PCDHGA1: variants seen among roughly 807,000 people sequenced by gnomAD.
The protein encoded by PCDHGA1 is protocadherin gamma subfamily A, 1, also known as protocadherin gamma-A1.
In PCDHGA1, 32 loss-of-function variants were observed where a neutral mutation model predicts 58.0. The ratio of observed to expected loss-of-function variants is 0.55; its 90% CI spans 0.42 to 0.74. PCDHGA1 has a LOEUF of 0.74. Ranked by LOEUF, PCDHGA1 falls within the 30% of genes least tolerant of loss-of-function variation. The pLI, the probability that PCDHGA1 is intolerant of heterozygous loss-of-function variation, is 0.00. For missense variants in PCDHGA1, 1,205 were observed against 1,182.3 expected, an observed-to-expected ratio of 1.02 and a Z score of -0.28; for synonymous variants, 498 against 501.1, an observed-to-expected ratio of 0.99 and a Z score of 0.08.
In PCDHGA1 at chr5:141,370,422, C is replaced by A. The variant is rs780716652; in HGVS notation, c.2421+37317C>A. 1.9e-6 allele frequency: 3 copies of A among 1,581,408 alleles called. No homozygotes were observed. The South Asian group carries it at 3.5e-5, about 18-fold the overall frequency. ...GGGAAATAGCTCCGGATGGAGGGGC[C>A]CAGCAGGGCAGAGGCGAATGCTATT... On this transcript the variant is annotated intron_variant, in intron 1 of 3. Transcript: ENST00000517417.
chr5:141,397,248 T>C (rs2093496152), intron 1 of PCDHGA1, among the ~76,000 whole-genome samples: 1 of 152,168 alleles, frequency 6.6e-6, no homozygotes, highest in South Asian at 2.1e-4. Flanking sequence ...CGTAGTAGGG[T>C]ATATCATTTC....
intron 1 of PCDHGA1, chr5:141,440,945 A>T (rs1210278728): frequency 2.6e-5 from 4 of 152,234 alleles, no homozygotes; most frequent in African/African-American, 9.7e-5. Flanking sequence ...CCAGGACTAG[A>T]GTGTCAAGGC....
chr5:141,463,142 C>T (rs1229364880), intron 1 of PCDHGA1, among the ~76,000 whole-genome samples: 1 of 152,160 alleles, frequency 6.6e-6, no homozygotes, highest in Non-Finnish European at 1.5e-5. Context: ...CTTCGCCCAG[C>T]TGCAGAAAAG....
intron 1 of PCDHGA1, chr5:141,409,705 G>A (rs747252229): frequency 6.2e-6 from 10 of 1,613,134 alleles, no homozygotes; most frequent in Non-Finnish European, 7.6e-6. Flanking sequence ...CCCTGGCGGT[G>A]TCGTCATACG....
Position 141,409,742 on chromosome 5 carries a change from G to A in PCDHGA1, c.2421+76637G>A, listed in dbSNP as rs763304955. On this transcript the variant is annotated intron_variant, in intron 1 of 3. Coordinates refer to ENST00000517417, the MANE Select transcript of PCDHGA1 (RefSeq NM_018912.3). Reference sequence around the variant, plus strand: ...GTCAGTGAGCGCGCAGAGCGGGGTGGTGTTCGCGCAGCGCGCCTTTGATCA... The same window carrying A: ...GTCAGTGAGCGCGCAGAGCGGGGTGATGTTCGCGCAGCGCGCCTTTGATCA... 4.3e-6 allele frequency: 7 copies of A among 1,612,986 alleles called. No individual in the cohort carries two copies. In the South Asian group the frequency reaches 5.5e-5, roughly 13 times the overall value.
At chr5:141,383,526 C>T in intron 1 of PCDHGA1, 1 of 1,612,534 alleles carries the variant, frequency 6.2e-7, no homozygotes, top group Non-Finnish European at 8.5e-7. Flanking sequence ...GGGTTCACCA[C>T]CTGGTCCTCA....
At position 141,400,119 on chromosome 5, in the gene PCDHGA1, G is replaced by A. The variant is rs543287685; in HGVS notation, c.2421+67014G>A. ...TGCACTTGGTCTTTGCTGACAGCTTGCAGGAGGTGCTGCCGGATATCACTG... is the reference window on the plus strand; with the variant it reads ...TGCACTTGGTCTTTGCTGACAGCTTACAGGAGGTGCTGCCGGATATCACTG... On this transcript the variant is annotated intron_variant, in intron 1 of 3. Transcript: ENST00000517417. 3 of 1,614,076 alleles carry A rather than the reference G, an allele frequency of 1.9e-6. No individual in the cohort carries two copies. The Admixed American group carries it at 5.0e-5, about 27-fold the overall frequency.
At chr5:141,407,738 A>G (rs928743977) in intron 1 of PCDHGA1, among the ~76,000 whole-genome samples, 3 of 152,046 alleles carry the variant, frequency 2.0e-5, no homozygotes, top group Admixed American at 2.0e-4. Context: ...CACTATATAT[A>G]CTCCCTACTG....
At chr5:141,405,472 T>G in intron 1 of PCDHGA1, 1 of 1,056,196 alleles carries the variant, frequency 9.5e-7, no homozygotes, top group Non-Finnish European at 1.4e-6. Context: ...CAGGCTGGAA[T>G]GCAGTGGTGT....
chr5:141,357,847 AGC>A, intron 1 of PCDHGA1: 1 of 619,362 alleles, frequency 1.6e-6, no homozygotes, highest in Non-Finnish European at 2.7e-6. Flanking sequence ...TTGTAGTTTC[AGC>A]CAGAATTTTC....
intron 1 of PCDHGA1, among the ~76,000 whole-genome samples, chr5:141,482,811 C>T (rs1397161943): frequency 2.0e-5 from 3 of 152,164 alleles, no homozygotes; most frequent in Non-Finnish European, 4.4e-5. Context: ...GTGGCTCATG[C>T]CTGTAATCCT....
At chr5:141,351,402 A>G (rs1326706527) in intron 1 of PCDHGA1, 2 of 1,611,502 alleles carry the variant, frequency 1.2e-6, no homozygotes, top group Admixed American at 1.7e-5. Context: ...GTGACATGCT[A>G]TACTCAGGAA....
intron 1 of PCDHGA1, chr5:141,398,904 C>T: frequency 6.2e-7 from 1 of 1,613,930 alleles, no homozygotes; most frequent in Non-Finnish European, 8.5e-7. Context: ...CACCAGGCAC[C>T]ACTGTGTTGC....
intron 1 of PCDHGA1, chr5:141,357,123 G>A: frequency 1.2e-6 from 2 of 1,613,670 alleles, no homozygotes; most frequent in Non-Finnish European, 1.7e-6. Flanking sequence ...TCAAGCAGAG[G>A]CTTGTAGTGG....
intron 1 of PCDHGA1, chr5:141,366,527 G>T (rs374836826): frequency 2.5e-6 from 4 of 1,614,142 alleles, no homozygotes; most frequent in Non-Finnish European, 3.4e-6. Context: ...CAGCAGGTTG[G>T]CGGGTGTGCC....
chr5:141,492,125 C>T (rs1284932830), intron 1 of PCDHGA1, among the ~76,000 whole-genome samples: 1 of 152,222 alleles, frequency 6.6e-6, no homozygotes, highest in Non-Finnish European at 1.5e-5. Context: ...TTCTCCCCAG[C>T]TCCCAGCATC....
chr5:141,426,166 G>A (rs545570121), intron 1 of PCDHGA1: 4 of 155,070 alleles, frequency 2.6e-5, no homozygotes, highest in South Asian at 2.0e-4. Context: ...GATTCCATAC[G>A]GATTGGGGTG....
chr5:141,414,942 C>T, intron 1 of PCDHGA1: 3 of 1,614,126 alleles, frequency 1.9e-6, no homozygotes, highest in Non-Finnish European at 1.7e-6. Context: ...CAGAGCCCGG[C>T]TACCTGGTGA....
chr5:141,387,661 G>C (rs2091032284), intron 1 of PCDHGA1: 2 of 656,114 alleles, frequency 3.0e-6, no homozygotes, highest in East Asian at 5.7e-5. Context: ...AGAGCTTGGC[G>C]CTCCAGATCT....
Sources: gnomAD v4.1 joint callset for allele counts (sites outside exome capture counted in the v4.1 genomes callset) on GRCh38, gnomAD v4.1.1 for gene constraint, MANE v1.5 for transcripts, NCBI Gene and HGNC (gene_info 2026-07-23, HGNC 2026-07-21) for gene names.